The following CSMD2 variants were observed in gnomAD, a reference collection of about 807,000 sequenced individuals.
CSMD2 encodes CUB and Sushi multiple domains 2, also known as CUB and sushi domain-containing protein 2.
In CSMD2, 130 loss-of-function variants were observed where a neutral mutation model predicts 398.5. The observed-to-expected ratio is 0.33, with a 90% CI of 0.28 to 0.38. The LOEUF (loss-of-function observed/expected upper bound fraction) is 0.38. Ranked by LOEUF, CSMD2 falls within the 10% of genes least tolerant of loss-of-function variation. The probability of loss-of-function intolerance (pLI) is 1.00; values close to 1 mark genes in which losing one functional copy is unlikely to be tolerated. For missense variants in CSMD2, 3,829 were observed against 4,764.9 expected, an observed-to-expected ratio of 0.80 and a Z score of 5.78; for synonymous variants, 1,828 against 1,908.5, an observed-to-expected ratio of 0.96 and a Z score of 1.10.
intron 1 of CSMD2, among the ~76,000 whole-genome samples, chr1:34,099,838 C>G (rs963461235): frequency 1.3e-5 from 2 of 152,094 alleles, no homozygotes; most frequent in Non-Finnish European, 2.9e-5. Context: ...TCCCTAGTGC[C>G]TAGAATTCAA....
intron 29 of CSMD2, among the ~76,000 whole-genome samples, chr1:33,640,618 G>C (rs993205023): frequency 3.3e-5 from 5 of 152,108 alleles, no homozygotes; most frequent in Admixed American, 2.0e-4. Flanking sequence ...GCCAACTCCT[G>C]ATACAGACTT....
intron 6 of CSMD2, among the ~76,000 whole-genome samples, chr1:33,844,591 T>C (rs1311915551): frequency 6.6e-6 from 1 of 152,154 alleles, no homozygotes; most frequent in Non-Finnish European, 1.5e-5. Context: ...AGAATCACAA[T>C]AATTGAGCAT....
Position 33,892,046 on chromosome 1 carries a change from A to AAATAATAATAAT in CSMD2, c.920+26036_920+26047dup, listed in dbSNP as rs58301570. Among the ~76,000 whole-genome samples the AAATAATAATAAT allele has an allele frequency of 4.8e-5, 7 of 147,282 alleles. No individual in the cohort carries two copies. In the South Asian group the frequency reaches 1.3e-3, roughly 28 times the overall value. Reference sequence around the variant, plus strand: ...CACATGTACCCTAAAACTTAAAGTAAAATAATAATAATAATAATAATAAAA... The same window carrying AAATAATAATAAT: ...CACATGTACCCTAAAACTTAAAGTAAAATAATAATAATAATAATAATAATAATAATAATAAAA... On this transcript the variant is annotated intron_variant, in intron 5 of 70. Transcript: ENST00000373381.
intron 2 of CSMD2, among the ~76,000 whole-genome samples, chr1:34,036,690 G>A (rs1442851609): frequency 6.6e-6 from 1 of 152,178 alleles, no homozygotes; most frequent in Non-Finnish European, 1.5e-5. Context: ...TTTTGAGAGT[G>A]TGCTATAGTT....
At chr1:33,782,655 T>C (rs990538764) in intron 12 of CSMD2, among the ~76,000 whole-genome samples, 3 of 152,004 alleles carry the variant, frequency 2.0e-5, no homozygotes, top group African/African-American at 7.2e-5. Flanking sequence ...CTGAGGAGGG[T>C]ACCTGATTAT....
intron 6 of CSMD2, among the ~76,000 whole-genome samples, chr1:33,846,093 C>T (rs867228050): frequency 5.9e-5 from 9 of 152,222 alleles, no homozygotes; most frequent in Admixed American, 2.0e-4. Context: ...TGAATAAACG[C>T]AATGTCGAAA....
intron 22 of CSMD2, among the ~76,000 whole-genome samples, chr1:33,705,143 A>G (rs1217272176): frequency 1.3e-5 from 2 of 152,134 alleles, no homozygotes; most frequent in African/African-American, 4.8e-5. Flanking sequence ...ATTATAGCTG[A>G]ATATATTCAT....
intron 32 of CSMD2, among the ~76,000 whole-genome samples, chr1:33,628,075 C>T (rs1225392069): frequency 1.3e-5 from 2 of 152,300 alleles, no homozygotes; most frequent in East Asian, 1.9e-4. Flanking sequence ...AGCAGATGTT[C>T]AGTCATGGTT....
At chr1:33,987,304 A>G (rs1013768457) in intron 3 of CSMD2, among the ~76,000 whole-genome samples, 8 of 152,190 alleles carry the variant, frequency 5.3e-5, no homozygotes, top group Admixed American at 2.0e-4. Flanking sequence ...ATCACATGGT[A>G]TTACACTATT....
intron 2 of CSMD2, among the ~76,000 whole-genome samples, chr1:34,033,545 A>G (rs1045218320): frequency 6.6e-6 from 1 of 152,228 alleles, no homozygotes; most frequent in Non-Finnish European, 1.5e-5. Flanking sequence ...CTGGGCATCC[A>G]TGCCTGGTGA....
At chr1:33,726,875 G>C (rs1485095440) in intron 15 of CSMD2, among the ~76,000 whole-genome samples, 190 bp from the exon 16 acceptor site, 1 of 152,224 alleles carries the variant, frequency 6.6e-6, no homozygotes, top group Non-Finnish European at 1.5e-5. Context: ...CATGTGGAGT[G>C]TTATTAAAGG....
chr1:33,519,455 C>G lies in CSMD2; in HGVS notation c.*53+10G>C. The G allele has an allele frequency of 6.5e-7, 1 of 1,549,764 alleles. No homozygotes were observed. On this transcript the variant is annotated intron_variant, in intron 70 of 70. Coordinates refer to ENST00000373381, the MANE Select transcript of CSMD2 (RefSeq NM_001281956.2). This position sits in a 1 kb window ranked among gnomAD's most constrained non-coding sequence, Gnocchi z 5.6. ...GTCATGGCCTGTCTTCCTCCCACAC[C>G]CCTGCTCACCGGCTGCTGGAGGCGG...
intron 5 of CSMD2, among the ~76,000 whole-genome samples, chr1:33,903,348 T>TTA (rs1553249066): frequency 3.3e-5 from 5 of 150,558 alleles, no homozygotes; most frequent in African/African-American, 9.7e-5. Flanking sequence ...TTTTTTTTTT[T>TTA]AAAGACTGGC....
intron 37 of CSMD2, among the ~76,000 whole-genome samples, chr1:33,620,304 A>G (rs1311331272): frequency 6.6e-6 from 1 of 152,170 alleles, no homozygotes; most frequent in Non-Finnish European, 1.5e-5. Context: ...TTAATTCTCT[A>G]TTGTCTGTGA....
Position 33,569,382 on chromosome 1 carries a change from C to A in CSMD2, c.8123G>T (p.Arg2708Leu), listed in dbSNP as rs768791970. 2.5e-6 allele frequency: 4 copies of A among 1,612,672 alleles called. No individual in the cohort carries two copies. In the South Asian group the frequency reaches 4.4e-5, roughly 18 times the overall value. Residue 2708 changes from arginine to leucine, a missense_variant, in exon 52 of 71, where the codon CGC (arginine) becomes CTC (leucine). By Grantham distance (102) the Arg-to-Leu change is moderately radical. This residue lies in a region of CSMD2 where 723 missense variants were observed against 758.6 expected (regional missense o/e 0.95). Coordinates refer to ENST00000373381, the MANE Select transcript of CSMD2 (RefSeq NM_001281956.2). ...CTGCAGAGGTCACTTACCAAGGCAG[C>A]GGACTTCAGAGCCACTCCAGAGCCC... ...ANGLWSGSEV[R>L]CLATQTKLHS...
intron 3 of CSMD2, among the ~76,000 whole-genome samples, chr1:33,966,975 G>C (rs1229430233): frequency 1.3e-5 from 2 of 152,176 alleles, no homozygotes; most frequent in African/African-American, 4.8e-5. Flanking sequence ...TTAAGTACGA[G>C]AAAAGGTTTA....
chr1:33,707,695 GCACACACACACACACA>G (rs200504764), intron 22 of CSMD2, among the ~76,000 whole-genome samples: 51 of 92,092 alleles, frequency 5.5e-4, no homozygotes, highest in African/African-American at 2.1e-3. Context: ...GCGCGCGCGC[GCACACACACACACACA>G]CACACACACA....
chr1:33,711,581 C>G (rs905019187), intron 21 of CSMD2, among the ~76,000 whole-genome samples: 3 of 152,190 alleles, frequency 2.0e-5, no homozygotes, highest in Non-Finnish European at 4.4e-5. Context: ...TGCCTGGATT[C>G]TGGGACTGGC....
At chr1:33,865,678 C>T (rs963507252) in intron 5 of CSMD2, among the ~76,000 whole-genome samples, 4 of 152,132 alleles carry the variant, frequency 2.6e-5, no homozygotes, top group African/African-American at 4.8e-5. Flanking sequence ...CAGCCATTTG[C>T]CATCTCATAG....
Sources: gnomAD v4.1 joint callset for allele counts (sites outside exome capture counted in the v4.1 genomes callset) on GRCh38, gnomAD v4.1.1 for gene constraint, gnomAD v4.1.1 regional missense constraint, Gnocchi (gnomAD v3.1) non-coding constraint, MANE v1.5 for transcripts, NCBI Gene and HGNC (gene_info 2026-07-23, HGNC 2026-07-21) for gene names.